RAB11FIP5: variants seen among roughly 807,000 people sequenced by gnomAD.
RAB11FIP5 encodes the protein rab11 family-interacting protein 5.
A neutral mutation model predicts 85.1 loss-of-function variants in RAB11FIP5; 48 were observed. That is an observed-to-expected ratio of 0.56 (90% CI 0.45 to 0.72). RAB11FIP5 has a LOEUF of 0.72. Among genes scored for constraint, RAB11FIP5 ranks in the 30% least tolerant of loss-of-function variants. RAB11FIP5 has a pLI of 0.00. For synonymous variants in RAB11FIP5, 729 were observed against 727.3 expected (o/e 1.00, Z -0.04); for missense variants, 1,491 against 1,687.0 (o/e 0.88, Z 2.04).
intron 1 of RAB11FIP5, among the ~76,000 whole-genome samples, chr2:73,096,593 C>G (rs1180134360): frequency 2.0e-5 from 3 of 152,168 alleles, no homozygotes; most frequent in Admixed American, 1.3e-4. Context: ...CCCTCACTCC[C>G]TACATCTAAA....
At position 73,079,684 on chromosome 2, in the gene RAB11FIP5, G is replaced by A; in HGVS notation, c.3548C>T (p.Thr1183Ile). Reference protein sequence around the residue: ...ASPLVLLPLETRPAEEPQPSA... With the variant: ...ASPLVLLPLEIRPAEEPQPSA... ...GGGCTGTGGCTCCTCAGCTGGTCGT[G>A]TCTCCAAGGGCAGAAGCACAAGCGG... The change falls in exon 4 of 6, where the codon ACA becomes ATA. Residue 1183 changes from threonine to isoleucine, a missense_variant. Physicochemically the swap from Thr to Ile is moderately conservative, Grantham distance 89 (BLOSUM62 -1). Coordinates refer to ENST00000486777, the MANE Select transcript of RAB11FIP5 (RefSeq NM_001371272.1). The A allele has an allele frequency of 1.6e-6, 2 of 1,233,372 alleles. No individual in the cohort carries two copies. Among genetic ancestry groups the A allele is most frequent in the Non-Finnish European group, 2.0e-6 (2 of 988,914 alleles). 76.4% of individuals were successfully genotyped at this position (1,233,372 alleles called of 1,614,324 possible).
rs1455634035 is a variant in RAB11FIP5 at position 73,088,299 on chromosome 2, A to G, written c.1319T>C (p.Ile440Thr). 6.2e-7 allele frequency: 1 copy of G among 1,613,544 alleles called. No individual in the cohort carries two copies. The highest frequency in any genetic ancestry group is 1.3e-5 in the African/African-American group (1 of 74,832). The stretch of plus-strand genomic sequence containing the variant: ...TGCCACAGCCTCAGAGGAGGCCACT[A>G]TGGGTGTGGCAACCTGGACTGGCTT... ...EGKPVQVATPIVASSEAVAEK... is the reference protein window; with the variant it reads ...EGKPVQVATPTVASSEAVAEK... Residue 440 changes from isoleucine to threonine, a missense_variant, in exon 3 of 6, where the codon ATA becomes ACA. Transcript: ENST00000486777.
chr2:73,088,007 G>T, intron 3 of RAB11FIP5, 43 bp downstream of exon 3: 1 of 1,535,152 alleles, frequency 6.5e-7, no homozygotes, highest in Non-Finnish European at 8.8e-7. Flanking sequence ...ACACACCCCA[G>T]CATCCTCCCC....
At position 73,094,627 on chromosome 2, in the gene RAB11FIP5, C is replaced by A. The variant is rs577905136; in HGVS notation, c.432-5312G>T. On this transcript the variant is annotated intron_variant, in intron 1 of 5. Coordinates refer to ENST00000486777, the MANE Select transcript of RAB11FIP5 (RefSeq NM_001371272.1). ...ATTCACCCAGACCCCATGTGGGAAC[C>A]ACAAGGATGGTCCCTAACGCTTTAC... is the stretch of plus-strand genomic sequence containing the variant. 2.0e-5 allele frequency among the ~76,000 whole-genome samples: 3 copies of A among 152,296 alleles called. No homozygotes were observed. The South Asian group carries it at 6.2e-4, about 32-fold the overall frequency.
In RAB11FIP5 at chr2:73,079,792, A is replaced by C. The variant is rs993261893; in HGVS notation, c.3440T>G (p.Leu1147Arg). The C allele has an allele frequency of 8.1e-7, 1 of 1,232,340 alleles. No individual in the cohort carries two copies. The highest frequency in any genetic ancestry group is 1.0e-6 in the Non-Finnish European group (1 of 988,146). 76.3% of individuals were successfully genotyped at this position (1,232,340 alleles called of 1,614,324 possible). ...TGGGGAGGGCTCATGGGGGCCAGGG[A>C]GTAAGGCTGGCTCCCCTGGTGGTGC... ...SSAPPGEPALLPGPHEPSPPG... is the reference protein window; with the variant it reads ...SSAPPGEPALRPGPHEPSPPG... The change falls in exon 4 of 6, where the codon CTC (leucine) becomes CGC (arginine). Residue 1147 changes from leucine to arginine, a missense_variant. Around this residue, in one of 3 missense-constraint regions of RAB11FIP5, gnomAD observed 232 missense variants for 259.1 expected, o/e 0.90. Coordinates refer to ENST00000486777, the MANE Select transcript of RAB11FIP5 (RefSeq NM_001371272.1).
In RAB11FIP5 at chr2:73,080,460, C is replaced by A; in HGVS notation, c.2772G>T (p.Gly924=). ...QEEEEEKAAV[G]LSNRGPETEG... is the part of the protein sequence containing the mutation. ...CTGTCTCCGGCCCCCTGTTACTCAG[C>A]CCCACTGCGGCCTTCTCCTCCTCCT... The change falls in exon 4 of 6, where the codon GGG becomes GGT. Residue 924 remains glycine, a synonymous_variant. Transcript: ENST00000486777. The A allele has an allele frequency of 8.1e-7, 1 of 1,233,834 alleles. No individual in the cohort carries two copies. Among genetic ancestry groups the A allele is most frequent in the Non-Finnish European group, 1.0e-6 (1 of 988,934 alleles). The allele number at this position is 1,233,834 out of a possible 1,614,324, so 76.4% of individuals were successfully genotyped here.
At chr2:73,084,556 G>C (rs765426737) in intron 3 of RAB11FIP5, among the ~76,000 whole-genome samples, 1 of 152,180 alleles carries the variant, frequency 6.6e-6, no homozygotes, top group African/African-American at 2.4e-5. Flanking sequence ...TTCAACCTGA[G>C]GGAATAAAAC....
In RAB11FIP5 at chr2:73,075,231, G is replaced by A; in HGVS notation, c.*290C>T. 1 of 677,332 alleles carries A rather than the reference G, an allele frequency of 1.5e-6. No homozygotes were observed. Among genetic ancestry groups the A allele is most frequent in the Non-Finnish European group, 2.7e-6 (1 of 368,932 alleles). 42.0% of individuals were successfully genotyped at this position (677,332 alleles called of 1,614,324 possible). ...TACAGTTCACCCCTGCTCTGTCTTG[G>A]GGGAAGAGTTCCAATTCCCTGGGGC... On this transcript the variant is annotated 3_prime_UTR_variant, in exon 6 of 6. Coordinates refer to ENST00000486777, the MANE Select transcript of RAB11FIP5 (RefSeq NM_001371272.1). This position sits in a 1 kb window ranked among gnomAD's most constrained non-coding sequence, Gnocchi z 4.6.
rs949512498 is a variant in RAB11FIP5, at chr2:73,081,598, G to T, written c.1634C>A (p.Pro545His). Residue 545 changes from proline (P) to histidine (H), a missense_variant, in exon 4 of 6, where the codon CCC (proline) becomes CAC (histidine). Pro to His is a moderately conservative substitution (Grantham distance 77, BLOSUM62 -2). Transcript: ENST00000486777. This position sits in a 1 kb window ranked among gnomAD's most constrained non-coding sequence, Gnocchi z 4.2. Reference sequence around the variant, plus strand: ...AGGAGTGGGAGGGGCCGGAGCCCAGGGGGAGCAGGGGAGGTGGTGAGGAAG... The same window carrying T: ...AGGAGTGGGAGGGGCCGGAGCCCAGTGGGAGCAGGGGAGGTGGTGAGGAAG... ...AALPHHLPCSPWAPAPPTPAP... is the reference protein window; with the variant it reads ...AALPHHLPCSHWAPAPPTPAP... 5 of 1,214,916 alleles carry T rather than the reference G, an allele frequency of 4.1e-6. No individual in the cohort carries two copies. The highest frequency in any genetic ancestry group is 4.2e-5 in the Admixed American group (1 of 23,680). 75.3% of individuals were successfully genotyped at this position (1,214,916 alleles called of 1,614,324 possible).
Position 73,088,529 on chromosome 2 carries a change from T to C in RAB11FIP5, c.1089A>G (p.Pro363=), listed in dbSNP as rs1195587052. The C allele has an allele frequency of 2.5e-6, 4 of 1,613,836 alleles. No individual in the cohort carries two copies. Among genetic ancestry groups the C allele is most frequent in the Non-Finnish European group, 8.5e-7 (1 of 1,180,038 alleles). ...AGACAGCTTGCAAGGAGCCAGAGGATGGAAGCGAGCCCGAGATGGAGCTGC... is the reference window on the plus strand; with the variant it reads ...AGACAGCTTGCAAGGAGCCAGAGGACGGAAGCGAGCCCGAGATGGAGCTGC... ...RHRSSISGSL[P]SSGSLQAVSS... Residue 363 remains proline (P), a synonymous_variant, in exon 3 of 6, where the codon CCA becomes CCG. Coordinates refer to ENST00000486777, the MANE Select transcript of RAB11FIP5 (RefSeq NM_001371272.1).
At chr2:73,082,509 G>A (rs933640776) in intron 3 of RAB11FIP5, among the ~76,000 whole-genome samples, 1 of 152,200 alleles carries the variant, frequency 6.6e-6, no homozygotes, top group Admixed American at 6.5e-5. Context: ...GTCATTGGGT[G>A]TGACAAGGTG....
At chr2:73,099,776 G>T (rs1390018356) in intron 1 of RAB11FIP5, among the ~76,000 whole-genome samples, 3 of 152,196 alleles carry the variant, frequency 2.0e-5, no homozygotes, top group Non-Finnish European at 4.4e-5. Context: ...TCCCTGGGCT[G>T]GTCCCCACCT....
intron 3 of RAB11FIP5, among the ~76,000 whole-genome samples, chr2:73,084,659 A>C (rs1483620688): frequency 6.6e-6 from 1 of 152,142 alleles, no homozygotes; most frequent in East Asian, 1.9e-4. Context: ...CTTCTTAAAC[A>C]CTACACCACA....
chr2:73,077,013 C>T (rs1449791466), intron 4 of RAB11FIP5, among the ~76,000 whole-genome samples: 1 of 152,162 alleles, frequency 6.6e-6, no homozygotes, highest in Non-Finnish European at 1.5e-5. Context: ...ACCTCCATTT[C>T]GTCTTCTGAC....
At position 73,087,921 on chromosome 2, in the gene RAB11FIP5, A is replaced by G. The variant is rs1024497299; in HGVS notation, c.1568+129T>C. On this transcript the variant is annotated intron_variant, in intron 3 of 5. Transcript: ENST00000486777. ...GCTTAGGGAGACACCCCACTAAACC[A>G]TGCAAAGCCAGAGCCCCAGCAGCCT... 3 of 920,672 alleles carry G rather than the reference A, an allele frequency of 3.3e-6. No homozygotes were observed. In the African/African-American group the frequency reaches 5.0e-5, roughly 15 times the overall value. The allele number at this position is 920,672 out of a possible 1,614,324, so 57.0% of individuals were successfully genotyped here.
At chr2:73,094,834 G>A (rs1309796874) in intron 1 of RAB11FIP5, among the ~76,000 whole-genome samples, 1 of 152,116 alleles carries the variant, frequency 6.6e-6, no homozygotes, top group African/African-American at 2.4e-5. Flanking sequence ...TCCCCCAGGA[G>A]GGGGTAAGTT....
At position 73,101,926 on chromosome 2, in the gene RAB11FIP5, C is replaced by T. The variant is rs186748030; in HGVS notation, c.431+10421G>A. ...CCCAAGTATTTGCCAGGAACAAGAACGGAGGTGTCTTTGAAGAGCTTATGC... is the reference window on the plus strand; with the variant it reads ...CCCAAGTATTTGCCAGGAACAAGAATGGAGGTGTCTTTGAAGAGCTTATGC... On this transcript the variant is annotated intron_variant, in intron 1 of 5. Coordinates refer to ENST00000486777, the MANE Select transcript of RAB11FIP5 (RefSeq NM_001371272.1). 1.2e-3 allele frequency among the ~76,000 whole-genome samples: 176 copies of T among 152,290 alleles called. 1 individual carries two copies. Among genetic ancestry groups the T allele is most frequent in the African/African-American group, 4.1e-3 (169 of 41,546 alleles).
chr2:73,107,324 A>G (rs539280729), intron 1 of RAB11FIP5, among the ~76,000 whole-genome samples: 2 of 152,354 alleles, frequency 1.3e-5, no homozygotes, highest in South Asian at 2.1e-4. Context: ...GAACATCTGG[A>G]CAAGGCCAGG....
chr2:73,102,516 A>G (rs1684447928), intron 1 of RAB11FIP5, among the ~76,000 whole-genome samples: 1 of 152,226 alleles, frequency 6.6e-6, no homozygotes, highest in East Asian at 1.9e-4. Flanking sequence ...AGCCTGAACT[A>G]GGACAGGAAC....
Sources: gnomAD v4.1 joint callset for allele counts (sites outside exome capture counted in the v4.1 genomes callset) on GRCh38, gnomAD v4.1.1 for gene constraint, gnomAD v4.1.1 regional missense constraint, Gnocchi (gnomAD v3.1) non-coding constraint, MANE v1.5 for transcripts, NCBI Gene and HGNC (gene_info 2026-07-23, HGNC 2026-07-21) for gene names.